The following TAF4B variants were observed in gnomAD, a reference collection of about 807,000 sequenced individuals.
TAF4B encodes transcription initiation factor TFIID subunit 4B.
In TAF4B, 38 loss-of-function variants were observed where a neutral mutation model predicts 86.4. That is an observed-to-expected ratio of 0.44 (90% CI 0.34 to 0.58). TAF4B has a LOEUF of 0.58. TAF4B is among the 20% of genes least tolerant of loss of function. TAF4B has a pLI of 0.02. For synonymous variants in TAF4B, 388 were observed against 391.2 expected (o/e 0.99, Z 0.10); for missense variants, 988 against 1,027.6 (o/e 0.96, Z 0.53).
At chr18:26,249,157 C>T (rs892935784) in intron 1 of TAF4B, among the ~76,000 whole-genome samples, 6 of 134,486 alleles carry the variant, frequency 4.5e-5, no homozygotes, top group South Asian at 2.3e-4. Flanking sequence ...GGTGACAGAA[C>T]GAGACTCCAT....
At chr18:26,334,637 C>G (rs2057076167) in intron 12 of TAF4B, among the ~76,000 whole-genome samples, 1 of 151,996 alleles carries the variant, frequency 6.6e-6, no homozygotes, top group African/African-American at 2.4e-5. Flanking sequence ...TATAGAGGAC[C>G]CAAAGATGAT....
At chr18:26,324,376 T>C (rs921752702) in intron 11 of TAF4B, among the ~76,000 whole-genome samples, 1 of 152,176 alleles carries the variant, frequency 6.6e-6, no homozygotes, top group Non-Finnish European at 1.5e-5. Flanking sequence ...CCTCCCAAAG[T>C]GTTGGGATTA....
chr18:26,378,937 A>G (rs1026491063), intron 14 of TAF4B, among the ~76,000 whole-genome samples: 1 of 152,084 alleles, frequency 6.6e-6, no homozygotes, highest in Middle Eastern at 3.2e-3. Context: ...TTGTTTATTC[A>G]GTGTTACTGG....
chr18:26,351,744 A>G lies in TAF4B; in HGVS notation c.2317-5946A>G, dbSNP rs7243982. 9.9e-3 allele frequency among the ~76,000 whole-genome samples: 1,501 copies of G among 152,324 alleles called. 11 individuals are homozygous for G. Among genetic ancestry groups the G allele is most frequent in the African/African-American group, 0.034 (1,395 of 41,576 alleles). ...AATCTAACATGCAAATAAAGGTTTA[A>G]TGAAATATATATGACTGATGTAAAA... is the stretch of plus-strand genomic sequence containing the variant. On this transcript the variant is annotated intron_variant, in intron 13 of 14. Transcript: ENST00000269142.
In TAF4B at chr18:26,321,062, T is replaced by C. The variant is rs1159611296; in HGVS notation, c.2003-8T>C. 23 of 1,613,574 alleles carry C rather than the reference T, an allele frequency of 1.4e-5. No homozygotes were observed. The highest frequency in any genetic ancestry group is 1.9e-5 in the Non-Finnish European group (23 of 1,179,610). On this transcript the variant is annotated splice_polypyrimidine_tract_variant and splice_region_variant and intron_variant, in intron 10 of 14. Coordinates refer to ENST00000269142, the MANE Select transcript of TAF4B (RefSeq NM_005640.3). ...AAAACACGTAATGGATTTTCTCTGC[T>C]TCTGCAGGTAAAAAGCATGACATTA...
intron 14 of TAF4B, among the ~76,000 whole-genome samples, chr18:26,382,011 C>T (rs1192062939): frequency 6.6e-6 from 1 of 152,058 alleles, no homozygotes; most frequent in Non-Finnish European, 1.5e-5. Flanking sequence ...ATGCAACTCA[C>T]CAACTCTAGA....
chr18:26,287,827 G>T (rs2056543388), intron 7 of TAF4B, among the ~76,000 whole-genome samples: 1 of 152,196 alleles, frequency 6.6e-6, no homozygotes, highest in Non-Finnish European at 1.5e-5. Context: ...GACATAGAAT[G>T]AAAGGGGTTG....
intron 13 of TAF4B, among the ~76,000 whole-genome samples, chr18:26,344,769 A>G (rs1389868669): frequency 6.6e-6 from 1 of 152,144 alleles, no homozygotes; most frequent in Non-Finnish European, 1.5e-5. Flanking sequence ...TGAGGCAATG[A>G]ATAAACAGAT....
At chr18:26,361,467 C>T (rs756806240) in intron 14 of TAF4B, among the ~76,000 whole-genome samples, 13 of 151,340 alleles carry the variant, frequency 8.6e-5, no homozygotes, top group Non-Finnish European at 1.6e-4. Context: ...AAAAACTGGC[C>T]AGGCATGATG....
intron 1 of TAF4B, among the ~76,000 whole-genome samples, chr18:26,227,869 A>G (rs1340427785): frequency 6.6e-6 from 1 of 152,204 alleles, no homozygotes; most frequent in Non-Finnish European, 1.5e-5. Flanking sequence ...AAATTTAACC[A>G]AGTCAGAATC....
At chr18:26,230,669 G>A (rs1352824011) in intron 1 of TAF4B, among the ~76,000 whole-genome samples, 2 of 152,104 alleles carry the variant, frequency 1.3e-5, no homozygotes, top group African/African-American at 4.8e-5. Context: ...GTTTCCATTT[G>A]GATGCCGTGC....
At chr18:26,384,157 C>T (rs1978309678) in intron 14 of TAF4B, among the ~76,000 whole-genome samples, 1 of 152,138 alleles carries the variant, frequency 6.6e-6, no homozygotes, top group Admixed American at 6.5e-5. Context: ...TTAAGAGCTG[C>T]CATGGTGGCA....
intron 14 of TAF4B, among the ~76,000 whole-genome samples, chr18:26,360,146 A>C (rs1285628168): frequency 6.6e-6 from 1 of 152,140 alleles, no homozygotes; most frequent in East Asian, 1.9e-4. Flanking sequence ...CATAAATATT[A>C]TTTGTTGCTC....
chr18:26,340,709 G>A (rs2057128987), intron 13 of TAF4B, among the ~76,000 whole-genome samples: 3 of 152,090 alleles, frequency 2.0e-5, no homozygotes. Context: ...TATTGCTGCT[G>A]CTGCTCTGCA....
chr18:26,329,172 C>T (rs1165392969), intron 12 of TAF4B, among the ~76,000 whole-genome samples: 1 of 152,152 alleles, frequency 6.6e-6, no homozygotes, highest in East Asian at 1.9e-4. Flanking sequence ...ATCCTCCCAC[C>T]TCAGCTTCTT....
chr18:26,380,342 T>C (rs960725785), intron 14 of TAF4B, among the ~76,000 whole-genome samples: 3 of 152,226 alleles, frequency 2.0e-5, no homozygotes, highest in African/African-American at 4.8e-5. Context: ...AATTTAGATA[T>C]GTTGTGTTTT....
At chr18:26,291,106 A>G (rs1337994015) in intron 7 of TAF4B, among the ~76,000 whole-genome samples, 2 of 152,218 alleles carry the variant, frequency 1.3e-5, no homozygotes, top group African/African-American at 4.8e-5. Flanking sequence ...TTTTTAAAGT[A>G]ATACACATAA....
chr18:26,310,814 ATGTAT>A (rs1235346248), intron 9 of TAF4B, among the ~76,000 whole-genome samples: 2 of 151,892 alleles, frequency 1.3e-5, no homozygotes, highest in Non-Finnish European at 1.5e-5. Context: ...TCAGTTTCTT[ATGTAT>A]TGTTCTAAGT....
At chr18:26,256,841 T>C (rs1261020098) in intron 1 of TAF4B, among the ~76,000 whole-genome samples, 2 of 150,946 alleles carry the variant, frequency 1.3e-5, no homozygotes, top group Admixed American at 1.3e-4. Context: ...TTTCTGTCAC[T>C]GTTTTCTAAT....
Sources: gnomAD v4.1 joint callset for allele counts (sites outside exome capture counted in the v4.1 genomes callset) on GRCh38, gnomAD v4.1.1 for gene constraint, MANE v1.5 for transcripts, NCBI Gene and HGNC (gene_info 2026-07-23, HGNC 2026-07-21) for gene names.